Variants in LARP4 observed in about 807,000 individuals in gnomAD.
LARP4 encodes the protein La ribonucleoprotein 4.
Under a neutral mutation model 92.9 loss-of-function variants are expected in LARP4, and 29 were observed. The observed-to-expected ratio is 0.31, with a 90% confidence interval of 0.23 to 0.43. The LOEUF (loss-of-function observed/expected upper bound fraction) is 0.43, where lower values mean the gene tolerates loss of function less well. Ranked by LOEUF, LARP4 falls within the 20% of genes least tolerant of loss-of-function variation. The probability of loss-of-function intolerance (pLI) is 1.00; values close to 1 mark genes in which losing one functional copy is unlikely to be tolerated. For missense variants in LARP4, 732 were observed against 860.0 expected (o/e 0.85, Z 1.86); for synonymous variants, 279 against 284.1 (o/e 0.98, Z 0.18).
At chr12:50,439,302 A>G (rs530412560) in intron 6 of LARP4, among the ~76,000 whole-genome samples, 1 of 152,314 alleles carries the variant, frequency 6.6e-6, no homozygotes, top group Admixed American at 6.5e-5. Flanking sequence ...CATACACATG[A>G]AAAACAGTAA....
At position 50,440,566 on chromosome 12, in the gene LARP4, T is replaced by G. The variant is rs540596334; in HGVS notation, c.750+17T>G. ...GCACAACAGGTAAGAAGAAAACATTTTCTGATACAAGTCCATCCTAGTGGC... is the reference window on the plus strand; with the variant it reads ...GCACAACAGGTAAGAAGAAAACATTGTCTGATACAAGTCCATCCTAGTGGC... On this transcript the variant is annotated intron_variant, in intron 7 of 15. Coordinates refer to ENST00000398473, the MANE Select transcript of LARP4 (RefSeq NM_052879.5). 1 of 1,547,908 alleles carries G rather than the reference T, an allele frequency of 6.5e-7. No homozygotes were observed. Among genetic ancestry groups the G allele is most frequent in the African/African-American group, 1.4e-5 (1 of 73,770 alleles).
chr12:50,425,314 ACT>A (rs1274322602), intron 1 of LARP4, among the ~76,000 whole-genome samples: 1 of 151,868 alleles, frequency 6.6e-6, no homozygotes, highest in Non-Finnish European at 1.5e-5. Context: ...TCAATATTGT[ACT>A]CTTTGTATTT....
chr12:50,456,690 A>G (rs1027823496), intron 10 of LARP4, among the ~76,000 whole-genome samples: 1 of 151,998 alleles, frequency 6.6e-6, no homozygotes, highest in African/African-American at 2.4e-5. Flanking sequence ...TCTGTCTTTT[A>G]TCACTTCTTT....
intron 10 of LARP4, among the ~76,000 whole-genome samples, chr12:50,455,208 T>A (rs1953988502): frequency 6.6e-6 from 1 of 152,170 alleles, no homozygotes; most frequent in South Asian, 2.1e-4. Context: ...CAATATTTGG[T>A]GTATGTTATG....
At chr12:50,435,130 A>G (rs1158808090) in intron 4 of LARP4, among the ~76,000 whole-genome samples, 1 of 152,212 alleles carries the variant, frequency 6.6e-6, no homozygotes, top group Non-Finnish European at 1.5e-5. Flanking sequence ...ATATTCTAAT[A>G]TCACTGATGA....
chr12:50,434,773 G>A (rs1032541645), intron 4 of LARP4, among the ~76,000 whole-genome samples: 4 of 151,980 alleles, frequency 2.6e-5, no homozygotes, highest in Non-Finnish European at 5.9e-5. Context: ...GACAGGGTGC[G>A]CTGGCTCACG....
intron 8 of LARP4, among the ~76,000 whole-genome samples, chr12:50,452,365 A>G (rs189285738): frequency 6.6e-6 from 1 of 152,126 alleles, no homozygotes; most frequent in Non-Finnish European, 1.5e-5. Flanking sequence ...TGTTTTTGGT[A>G]GAGACGGGGT....
chr12:50,430,438 T>C, intron 3 of LARP4, 57 bp from the exon 4 acceptor site: 1 of 894,536 alleles, frequency 1.1e-6, no homozygotes, highest in South Asian at 1.5e-5. Context: ...TATGTCAGAT[T>C]TATCACCTCT....
chr12:50,475,869 C>T lies in LARP4; in HGVS notation c.*5C>T, dbSNP rs1565779787. ...CCACCCAGATCACCAAAGTAAAAAA[C>T]AACAAAACTATTCAAAAACTTCACT... On this transcript the variant is annotated 3_prime_UTR_variant, in exon 16 of 16. Transcript: ENST00000398473. 1 of 1,608,106 alleles carries T rather than the reference C, an allele frequency of 6.2e-7. No individual in the cohort carries two copies.
intron 4 of LARP4, among the ~76,000 whole-genome samples, chr12:50,431,715 G>C (rs756517748): frequency 6.6e-6 from 1 of 151,932 alleles, no homozygotes; most frequent in Non-Finnish European, 1.5e-5. Flanking sequence ...GTGTGGTGGT[G>C]GGCGCCTGTA....
intron 1 of LARP4, among the ~76,000 whole-genome samples, chr12:50,407,360 G>A (rs926899732): frequency 2.6e-5 from 4 of 152,152 alleles, no homozygotes; most frequent in African/African-American, 9.7e-5. Context: ...ACTAATTTAA[G>A]AGAAGTATAA....
chr12:50,423,131 C>A (rs1948120044), intron 1 of LARP4, among the ~76,000 whole-genome samples: 2 of 152,094 alleles, frequency 1.3e-5, no homozygotes, highest in East Asian at 3.9e-4. Flanking sequence ...GAAAATTATT[C>A]TTAAGGGCTT....
chr12:50,436,786 A>G (rs542749597), intron 5 of LARP4, among the ~76,000 whole-genome samples: 3 of 152,264 alleles, frequency 2.0e-5, no homozygotes, highest in Admixed American at 1.3e-4. Flanking sequence ...AAAGTTAAAT[A>G]TAGCAAGTCT....
chr12:50,429,196 T>C (rs563749261), intron 3 of LARP4, 106 bp downstream of exon 3: 262 of 782,028 alleles, frequency 3.4e-4, no homozygotes, highest in South Asian at 5.8e-4. Flanking sequence ...TATTTTCTTA[T>C]TTGAAAAGAA....
At chr12:50,466,016 A>G (rs957934848) in intron 12 of LARP4, among the ~76,000 whole-genome samples, 4 of 152,214 alleles carry the variant, frequency 2.6e-5, no homozygotes, top group African/African-American at 9.6e-5. Flanking sequence ...AAAAAACAAA[A>G]AAGGTATCAC....
At chr12:50,452,092 G>T (rs1459750455) in intron 8 of LARP4, among the ~76,000 whole-genome samples, 1 of 152,194 alleles carries the variant, frequency 6.6e-6, no homozygotes, top group African/African-American at 2.4e-5. Context: ...TGGACACCGG[G>T]TTGTTTCCAT....
chr12:50,405,181 G>C (rs1403683146), intron 1 of LARP4, among the ~76,000 whole-genome samples: 1 of 152,054 alleles, frequency 6.6e-6, no homozygotes, highest in Admixed American at 6.6e-5. Flanking sequence ...TTATAGGCGT[G>C]AGCCACCGCG....
At chr12:50,421,213 T>C (rs1157103172) in intron 1 of LARP4, 2 of 904,002 alleles carry the variant, frequency 2.2e-6, no homozygotes, top group Non-Finnish European at 1.3e-6. Flanking sequence ...CCTCTCAAAG[T>C]GCTTTGATTA....
chr12:50,449,139 A>G (rs1318158662), intron 8 of LARP4, among the ~76,000 whole-genome samples: 2 of 152,074 alleles, frequency 1.3e-5, no homozygotes, highest in African/African-American at 4.8e-5. Flanking sequence ...GCTACTCGGG[A>G]GGCTGAGGCC....
Sources: allele counts gnomAD v4.1 joint callset (sites outside exome capture counted in the v4.1 genomes callset), GRCh38; gene constraint gnomAD v4.1.1; transcripts MANE v1.5; gene names NCBI Gene and HGNC (gene_info 2026-07-23, HGNC 2026-07-21).